Variants in GRIA4 observed in about 807,000 individuals in gnomAD.
The protein encoded by GRIA4 is glutamate receptor 4.
In GRIA4, 34 loss-of-function variants were observed where a neutral mutation model predicts 104.0. The ratio of observed to expected loss-of-function variants is 0.33; its 90% CI spans 0.25 to 0.44. The LOEUF (loss-of-function observed/expected upper bound fraction) is 0.44, where lower values mean the gene tolerates loss of function less well. Ranked by LOEUF, GRIA4 falls within the 20% of genes least tolerant of loss-of-function variation. The pLI is 1.00. For synonymous variants in GRIA4, 386 were observed against 381.9 expected, an observed-to-expected ratio of 1.01 and a Z score of -0.13; for missense variants, 750 against 1,096.5, an observed-to-expected ratio of 0.68 and a Z score of 4.46.
intron 15 of GRIA4, among the ~76,000 whole-genome samples, chr11:105,972,399 A>G (rs1858744575): frequency 6.6e-6 from 1 of 152,172 alleles, no homozygotes; most frequent in Admixed American, 6.5e-5. Flanking sequence ...TATTCTCAAA[A>G]CAAGAAATCA....
In GRIA4 at chr11:105,695,448, GTGTGTGTGTGTC is replaced by G. The variant is rs1379222853; in HGVS notation, c.248-57521_248-57510del. On this transcript the variant is annotated intron_variant, in intron 3 of 16. Coordinates refer to ENST00000282499, the MANE Select transcript of GRIA4 (RefSeq NM_000829.4). ...AGAGAGAGAGAGTGTATGCGTGCGT[GTGTGTGTGTGTC>G]TGTGTGTGTGTGTGTGTCTGTGTGT... is the stretch of plus-strand genomic sequence containing the variant. 1.3e-3 allele frequency among the ~76,000 whole-genome samples: 183 copies of G among 140,854 alleles called. 3 individuals are homozygous for G. The East Asian group carries it at 0.013, about 10-fold the overall frequency. The allele number at this position is 140,854 out of a possible 152,430, so 92.4% of individuals were successfully genotyped here. A position where few individuals can be genotyped will look rare whatever the true frequency, so the allele number is the denominator to read the frequency against.
intron 3 of GRIA4, among the ~76,000 whole-genome samples, chr11:105,722,272 T>C (rs747642590): frequency 6.6e-6 from 1 of 152,146 alleles, no homozygotes; most frequent in East Asian, 1.9e-4. Flanking sequence ...TTTCAACTTA[T>C]GATGTTTGTG....
At chr11:105,797,674 T>G (rs1469386874) in intron 4 of GRIA4, 1 of 327,326 alleles carries the variant, frequency 3.1e-6, no homozygotes, top group Non-Finnish European at 6.2e-6. Flanking sequence ...CGTGCTACCT[T>G]TTCTGAAACT....
At chr11:105,649,545 C>T (rs190903360) in intron 3 of GRIA4, among the ~76,000 whole-genome samples, 6 of 152,160 alleles carry the variant, frequency 3.9e-5, no homozygotes, top group Admixed American at 2.6e-4. Context: ...TAGTACTGGC[C>T]TATACATATA....
intron 3 of GRIA4, among the ~76,000 whole-genome samples, chr11:105,616,828 A>G (rs11226806): frequency 0.02 from 3,000 of 151,840 alleles, 88 homozygotes; most frequent in African/African-American, 0.067. Flanking sequence ...TTGAATTGGT[A>G]GCAAGCTTCT....
chr11:105,748,730 G>T (rs1269215166), intron 3 of GRIA4, among the ~76,000 whole-genome samples: 1 of 152,090 alleles, frequency 6.6e-6, no homozygotes, highest in South Asian at 2.1e-4. Context: ...AGTCTCAAAG[G>T]CCAACCCAGG....
At chr11:105,632,826 T>C (rs1410536695) in intron 3 of GRIA4, among the ~76,000 whole-genome samples, 2 of 152,154 alleles carry the variant, frequency 1.3e-5, no homozygotes, top group African/African-American at 2.4e-5. Context: ...GTTAAAAGTG[T>C]TTAGGCATGG....
chr11:105,785,656 A>T (rs1941928426), intron 4 of GRIA4, among the ~76,000 whole-genome samples: 1 of 152,174 alleles, frequency 6.6e-6, no homozygotes, highest in African/African-American at 2.4e-5. Context: ...AGGTTATATG[A>T]ACATTAAAAG....
chr11:105,650,283 T>C (rs575763676), intron 3 of GRIA4, among the ~76,000 whole-genome samples: 101 of 152,252 alleles, frequency 6.6e-4, no homozygotes, highest in African/African-American at 1.1e-3. Context: ...GCCTTGAAGA[T>C]TGTAAATCTC....
chr11:105,646,455 C>T (rs1010355860), intron 3 of GRIA4, among the ~76,000 whole-genome samples: 1 of 151,980 alleles, frequency 6.6e-6, no homozygotes, highest in Non-Finnish European at 1.5e-5. Flanking sequence ...AGACAATCAC[C>T]CAATAGCCAT....
At chr11:105,764,844 G>T (rs1027972171) in intron 4 of GRIA4, among the ~76,000 whole-genome samples, 4 of 151,676 alleles carry the variant, frequency 2.6e-5, no homozygotes, top group African/African-American at 9.7e-5. Context: ...TTAAAAAATA[G>T]TCCTCTTAGC....
At chr11:105,726,749 G>A (rs1216107435) in intron 3 of GRIA4, among the ~76,000 whole-genome samples, 1 of 152,040 alleles carries the variant, frequency 6.6e-6, no homozygotes, top group Non-Finnish European at 1.5e-5. Flanking sequence ...ACAGGGTCTG[G>A]AATGGACCCC....
intron 3 of GRIA4, among the ~76,000 whole-genome samples, chr11:105,712,181 C>G (rs1953934306): frequency 6.6e-6 from 1 of 151,948 alleles, no homozygotes; most frequent in African/African-American, 2.4e-5. Context: ...GGAAGGACAA[C>G]CTCAACCAAT....
chr11:105,833,323 A>G (rs981789114), intron 4 of GRIA4, among the ~76,000 whole-genome samples: 1 of 151,998 alleles, frequency 6.6e-6, no homozygotes, highest in Non-Finnish European at 1.5e-5. Flanking sequence ...ATGTATATAT[A>G]AACATATTCT....
chr11:105,687,192 C>A (rs1468437431), intron 3 of GRIA4, among the ~76,000 whole-genome samples: 1 of 152,062 alleles, frequency 6.6e-6, no homozygotes, highest in African/African-American at 2.4e-5. Flanking sequence ...ATTTGAGAAA[C>A]CATGTGAGAA....
At chr11:105,974,197 A>C in intron 15 of GRIA4, 113 bp from the exon 16 acceptor site, 2 of 1,018,876 alleles carry the variant, frequency 2.0e-6, no homozygotes, top group Non-Finnish European at 3.0e-6. Flanking sequence ...CTTGTAAATC[A>C]TTTCAGGTTA....
chr11:105,966,174 C>A (rs938887351), intron 14 of GRIA4: 4 of 696,330 alleles, frequency 5.7e-6, no homozygotes, highest in African/African-American at 1.8e-5. Flanking sequence ...TAGTCCAGTC[C>A]CTTCGCAAAC....
chr11:105,839,121 G>C (rs1319031949), intron 4 of GRIA4, among the ~76,000 whole-genome samples: 1 of 151,846 alleles, frequency 6.6e-6, no homozygotes, highest in Non-Finnish European at 1.5e-5. Context: ...TTCCCTTCCT[G>C]TCTGACATTA....
intron 8 of GRIA4, 56 bp from the exon 9 acceptor site, chr11:105,905,141 A>T: frequency 1.1e-6 from 1 of 945,928 alleles, no homozygotes; most frequent in Non-Finnish European, 1.7e-6. Context: ...AGATGAAGTT[A>T]AAATTCCTAT....
Sources: gnomAD v4.1 joint callset for allele counts (sites outside exome capture counted in the v4.1 genomes callset) on GRCh38, gnomAD v4.1.1 for gene constraint, MANE v1.5 for transcripts, NCBI Gene and HGNC (gene_info 2026-07-23, HGNC 2026-07-21) for gene names.